Variants in ADGRV1 observed in about 807,000 individuals in gnomAD.
The protein encoded by ADGRV1 is adhesion G protein-coupled receptor V1, also known as G-protein coupled receptor 98.
A neutral mutation model predicts 596.2 loss-of-function variants in ADGRV1; 359 were observed. The ratio of observed to expected loss-of-function variants is 0.60; its 90% CI spans 0.55 to 0.66. ADGRV1 has a LOEUF of 0.66. Ranked by LOEUF, ADGRV1 falls within the 30% of genes least tolerant of loss-of-function variation. The pLI is 0.00. For missense variants in ADGRV1, 7,274 were observed against 7,575.6 expected, an observed-to-expected ratio of 0.96 and a Z score of 1.48; for synonymous variants, 2,681 against 2,679.2, an observed-to-expected ratio of 1.00 and a Z score of -0.02.
chr5:91,092,912 T>C (rs1446520811), intron 86 of ADGRV1, among the ~76,000 whole-genome samples: 1 of 152,224 alleles, frequency 6.6e-6, no homozygotes, highest in Non-Finnish European at 1.5e-5. Context: ...TTATTGAACA[T>C]GTGCCTGATG....
chr5:91,079,319 C>G (rs571753666), intron 86 of ADGRV1, among the ~76,000 whole-genome samples: 40 of 152,296 alleles, frequency 2.6e-4, no homozygotes, highest in African/African-American at 9.1e-4. Flanking sequence ...TCACTCTTCC[C>G]ACATTTTGCC....
At chr5:90,856,028 A>G (rs1766991174) in intron 82 of ADGRV1, 127 bp downstream of exon 82, 4 of 762,212 alleles carry the variant, frequency 5.2e-6, no homozygotes, top group Non-Finnish European at 8.4e-6. Flanking sequence ...GAAGAATACA[A>G]ATTTTTCGTT....
chr5:91,117,728 G>A (rs1451886038), intron 87 of ADGRV1, among the ~76,000 whole-genome samples: 1 of 152,132 alleles, frequency 6.6e-6, no homozygotes, highest in East Asian at 1.9e-4. Flanking sequence ...CAACTCAAGA[G>A]ACACAAATAA....
rs562235983 is a variant in ADGRV1, at chr5:90,845,199, C to T, written c.17020-3438C>T. 2.9e-3 allele frequency among the ~76,000 whole-genome samples: 437 copies of T among 152,116 alleles called. No homozygotes were observed. The Middle Eastern group carries it at 0.034, about 12-fold the overall frequency. ...AGGCTTCGTGGTCACCAACTGTGTG[C>T]GAACACAATTGTGCGCAAACAAAAA... is the stretch of plus-strand genomic sequence containing the variant. On this transcript the variant is annotated intron_variant, in intron 78 of 89. Transcript: ENST00000405460.
rs1302134137 is a variant in ADGRV1, at chr5:90,581,404, T to A, written c.22+22487T>A. 2.0e-5 allele frequency among the ~76,000 whole-genome samples: 3 copies of A among 152,240 alleles called. No homozygotes were observed. The East Asian group carries it at 5.8e-4, about 29-fold the overall frequency. On this transcript the variant is annotated intron_variant, in intron 1 of 89. Transcript: ENST00000405460. The stretch of plus-strand genomic sequence containing the variant: ...CCATCTTTGTGGTTTTATCCACCTT[T>A]GGTCTTTGATGTTGGTGACCTACAG...
At chr5:90,966,305 C>G (rs931894984) in intron 84 of ADGRV1, among the ~76,000 whole-genome samples, 1 of 151,828 alleles carries the variant, frequency 6.6e-6, no homozygotes. Context: ...CCAAGGCAGG[C>G]GGATCACCTG....
chr5:90,679,778 T>C (rs960946506), intron 26 of ADGRV1, 149 bp downstream of exon 26: 2 of 555,178 alleles, frequency 3.6e-6, no homozygotes, highest in African/African-American at 1.9e-5. Flanking sequence ...CTTTATGAAG[T>C]ATGATTTCCT....
intron 78 of ADGRV1, among the ~76,000 whole-genome samples, chr5:90,842,805 T>A (rs965038126): frequency 6.6e-6 from 1 of 152,238 alleles, no homozygotes; most frequent in Non-Finnish European, 1.5e-5. Context: ...CAAAGCCTTC[T>A]TTGCTCTGGT....
intron 59 of ADGRV1, among the ~76,000 whole-genome samples, chr5:90,765,558 T>C (rs961093641): frequency 6.6e-6 from 1 of 152,132 alleles, no homozygotes; most frequent in African/African-American, 2.4e-5. Flanking sequence ...ATGTGATAAT[T>C]TGATGCATTC....
intron 1 of ADGRV1, among the ~76,000 whole-genome samples, chr5:90,566,545 T>TTTTGAATTAAGA (rs1580286662): frequency 6.6e-6 from 1 of 152,140 alleles, no homozygotes; most frequent in East Asian, 1.9e-4. Flanking sequence ...TTATTTTACA[T>TTTTGAATTAAGA]ATTTTGTTAA....
chr5:90,956,642 T>C (rs1424520504), intron 83 of ADGRV1, among the ~76,000 whole-genome samples: 2 of 152,208 alleles, frequency 1.3e-5, no homozygotes, highest in African/African-American at 4.8e-5. Context: ...AGCCAGCCTT[T>C]GCACTCGTTG....
intron 83 of ADGRV1, among the ~76,000 whole-genome samples, chr5:90,910,585 A>ATCTG (rs1293139586): frequency 2.6e-5 from 3 of 117,088 alleles, no homozygotes; most frequent in African/African-American, 5.7e-5. Context: ...CTATCTATCT[A>ATCTG]TCTATCTATC....
chr5:90,922,022 A>G (rs1433620691), intron 83 of ADGRV1, among the ~76,000 whole-genome samples: 1 of 152,146 alleles, frequency 6.6e-6, no homozygotes, highest in Non-Finnish European at 1.5e-5. Flanking sequence ...GGGTCTAAGA[A>G]AAACAGCACC....
chr5:91,048,985 C>T (rs1232195296), intron 85 of ADGRV1, among the ~76,000 whole-genome samples: 3 of 151,948 alleles, frequency 2.0e-5, no homozygotes, highest in Non-Finnish European at 4.4e-5. Context: ...CGGATTATAA[C>T]CAATTTATCT....
chr5:90,594,629 C>T (rs1271203883), intron 1 of ADGRV1, among the ~76,000 whole-genome samples: 4 of 146,450 alleles, frequency 2.7e-5, no homozygotes, highest in East Asian at 2.0e-4. Flanking sequence ...GAGGACCCTG[C>T]GGCCTTCCAC....
intron 84 of ADGRV1, among the ~76,000 whole-genome samples, chr5:90,978,418 C>G (rs1417869099): frequency 6.6e-6 from 1 of 151,962 alleles, no homozygotes; most frequent in Non-Finnish European, 1.5e-5. Flanking sequence ...TCAGCCAAAT[C>G]GATTAAAATT....
At chr5:90,763,693 G>A (rs1756765338) in intron 59 of ADGRV1, among the ~76,000 whole-genome samples, 1 of 152,226 alleles carries the variant, frequency 6.6e-6, no homozygotes, top group South Asian at 2.1e-4. Flanking sequence ...GCTGCCTCAA[G>A]TAGTCCCCAG....
At chr5:90,575,851 G>T (rs1242191868) in intron 1 of ADGRV1, among the ~76,000 whole-genome samples, 1 of 152,102 alleles carries the variant, frequency 6.6e-6, no homozygotes, top group Non-Finnish European at 1.5e-5. Context: ...ATTCTCCAGG[G>T]TCGCAGTGCT....
intron 72 of ADGRV1, among the ~76,000 whole-genome samples, chr5:90,807,094 G>A (rs531502236): frequency 1.7e-4 from 26 of 152,168 alleles, no homozygotes; most frequent in African/African-American, 4.3e-4. Flanking sequence ...CTCAGAATCC[G>A]CCCTCGTCGG....
Sources: allele counts gnomAD v4.1 joint callset (sites outside exome capture counted in the v4.1 genomes callset), GRCh38; gene constraint gnomAD v4.1.1; transcripts MANE v1.5; gene names NCBI Gene and HGNC (gene_info 2026-07-23, HGNC 2026-07-21).